PDE7B: variants seen among roughly 807,000 people sequenced by gnomAD.
The protein encoded by PDE7B is phosphodiesterase 7B, also known as 3',5'-cyclic-AMP phosphodiesterase 7B.
A neutral mutation model predicts 56.2 loss-of-function variants in PDE7B; 29 were observed. That is an observed-to-expected ratio of 0.52 (90% confidence interval 0.38 to 0.70). PDE7B has a LOEUF of 0.70. PDE7B is among the 30% of genes least tolerant of loss of function. The pLI is 0.00. For missense variants in PDE7B, 490 were observed against 565.0 expected, an observed-to-expected ratio of 0.87 and a Z score of 1.35; for synonymous variants, 197 against 196.9, an observed-to-expected ratio of 1.00 and a Z score of 0.00.
intron 2 of PDE7B, among the ~76,000 whole-genome samples, chr6:136,052,617 G>GACCCCCCCCC (rs1776650085): frequency 7.0e-6 from 1 of 142,792 alleles, no homozygotes; most frequent in South Asian, 2.3e-4. Context: ...TTAGGGTACA[G>GACCCCCCCCC]CCCCCCCCCA....
At chr6:136,134,667 T>TTCAA (rs1307657827) in intron 3 of PDE7B, among the ~76,000 whole-genome samples, 16 of 139,316 alleles carry the variant, frequency 1.1e-4, no homozygotes, top group African/African-American at 5.2e-4. Flanking sequence ...ACAATAGTTT[T>TTCAA]CCAACCAACC....
intron 2 of PDE7B, among the ~76,000 whole-genome samples, chr6:136,035,763 G>A (rs1776316466): frequency 6.6e-6 from 1 of 152,096 alleles, no homozygotes; most frequent in Non-Finnish European, 1.5e-5. Context: ...TTTTTACAAG[G>A]AACTAGATAA....
chr6:136,003,310 A>G (rs1312931692), intron 2 of PDE7B, among the ~76,000 whole-genome samples: 1 of 150,992 alleles, frequency 6.6e-6, no homozygotes, highest in Non-Finnish European at 1.5e-5. Context: ...GCAAGAGCAA[A>G]CACATTCAAA....
chr6:136,158,352 A>G (rs540567286), intron 8 of PDE7B, among the ~76,000 whole-genome samples: 2 of 152,318 alleles, frequency 1.3e-5, no homozygotes, highest in African/African-American at 4.8e-5. Flanking sequence ...AAAAAAATAT[A>G]TGTACATATA....
intron 3 of PDE7B, among the ~76,000 whole-genome samples, chr6:136,121,005 C>G (rs1174342468): frequency 1.3e-5 from 2 of 152,158 alleles, no homozygotes; most frequent in Admixed American, 1.3e-4. Flanking sequence ...TCTGACTCCC[C>G]TCTCCTTCCT....
intron 8 of PDE7B, among the ~76,000 whole-genome samples, chr6:136,159,073 C>T (rs1322928073): frequency 4.6e-5 from 7 of 152,096 alleles, no homozygotes; most frequent in South Asian, 4.1e-4. Flanking sequence ...ACATTTATTA[C>T]ACTCTATAAT....
At chr6:136,006,113 C>A (rs9689289) in intron 2 of PDE7B, among the ~76,000 whole-genome samples, 19,520 of 147,660 alleles carry the variant, frequency 0.13, 2,702 homozygotes, top group African/African-American at 0.36. Context: ...GGACAAAAAA[C>A]CAAACACTGC....
chr6:135,880,608 G>A (rs1445453960), intron 1 of PDE7B, among the ~76,000 whole-genome samples: 2 of 152,154 alleles, frequency 1.3e-5, no homozygotes, highest in Non-Finnish European at 2.9e-5. Context: ...TGAATATAAA[G>A]AAGTAAATTT....
In PDE7B at chr6:136,151,948, A is replaced by G. The variant is rs367975966; in HGVS notation, c.478+693A>G. ...GTGCAAGACTCTGTCTTAAAAATAA[A>G]TAAATAAATAAATAAATGACAGGGA... On this transcript the variant is annotated intron_variant, in intron 6 of 12. Coordinates refer to ENST00000308191, the MANE Select transcript of PDE7B (RefSeq NM_018945.4). Among the ~76,000 whole-genome samples the G allele has an allele frequency of 1.2e-4, 18 of 152,254 alleles. No individual in the cohort carries two copies. In the South Asian group the frequency reaches 3.5e-3, roughly 30 times the overall value.
At chr6:135,884,472 C>T (rs977423887) in intron 1 of PDE7B, among the ~76,000 whole-genome samples, 7 of 152,164 alleles carry the variant, frequency 4.6e-5, no homozygotes, top group African/African-American at 1.2e-4. Context: ...TTTCCTGATT[C>T]GATATCACAG....
At chr6:135,993,491 G>A (rs552927867) in intron 2 of PDE7B, among the ~76,000 whole-genome samples, 70 of 152,114 alleles carry the variant, frequency 4.6e-4, no homozygotes, top group Non-Finnish European at 7.5e-4. Flanking sequence ...AGGGTTGAGC[G>A]CCCCTGATAC....
At chr6:135,884,746 C>T (rs909550367) in intron 1 of PDE7B, among the ~76,000 whole-genome samples, 9 of 152,228 alleles carry the variant, frequency 5.9e-5, no homozygotes, top group African/African-American at 2.2e-4. Context: ...TCATGTGTAT[C>T]TTTCTTCTTG....
chr6:135,983,596 G>A (rs1475989544), intron 2 of PDE7B, among the ~76,000 whole-genome samples: 2 of 152,090 alleles, frequency 1.3e-5, no homozygotes, highest in South Asian at 4.1e-4. Flanking sequence ...AAATAAGTTG[G>A]TTATAGCACT....
At chr6:136,083,312 A>T (rs1777235494) in intron 2 of PDE7B, among the ~76,000 whole-genome samples, 1 of 152,226 alleles carries the variant, frequency 6.6e-6, no homozygotes, top group South Asian at 2.1e-4. Flanking sequence ...GTTAAAATAT[A>T]GGTGGTATTC....
intron 2 of PDE7B, among the ~76,000 whole-genome samples, chr6:136,017,076 C>T (rs1259609223): frequency 1.3e-5 from 2 of 152,136 alleles, no homozygotes; most frequent in African/African-American, 2.4e-5. Context: ...AGCCATTTAG[C>T]ATAGCAGCAA....
At chr6:135,906,829 T>TTTTTGTTTTTTTTTTTTTTTG (rs1776123197) in intron 1 of PDE7B, among the ~76,000 whole-genome samples, 14 of 142,690 alleles carry the variant, frequency 9.8e-5, no homozygotes, top group African/African-American at 3.7e-4. Context: ...TTTTTTTTTT[T>TTTTTGTTTTTTTTTTTTTTTG]TTTTTTTAAT....
At chr6:135,857,051 TC>T (rs1775047459) in intron 1 of PDE7B, among the ~76,000 whole-genome samples, 6 of 112,292 alleles carry the variant, frequency 5.3e-5, no homozygotes, top group African/African-American at 2.3e-4. Context: ...CCTCCCTCCC[TC>T]CCTTCCTTCC....
In PDE7B at chr6:136,193,703, T is replaced by C. The variant is rs1343695348; in HGVS notation, c.*1863T>C. 1 of 152,246 alleles carries C rather than the reference T, an allele frequency of 6.6e-6. No homozygotes were observed. The highest frequency in any genetic ancestry group is 1.5e-5 in the Non-Finnish European group (1 of 68,054). The allele number at this position is 152,246 out of a possible 1,614,324, so 9.4% of individuals were successfully genotyped here. On this transcript the variant is annotated 3_prime_UTR_variant, in exon 13 of 13. Transcript: ENST00000308191. The stretch of plus-strand genomic sequence containing the variant: ...TGCTGATAGAATGACAGCTAGCACT[T>C]ATTTCCTAAGTGCAACTGTTTTAGA...
At chr6:135,978,786 A>G (rs930635158) in intron 2 of PDE7B, among the ~76,000 whole-genome samples, 2 of 152,040 alleles carry the variant, frequency 1.3e-5, no homozygotes, top group Non-Finnish European at 2.9e-5. Flanking sequence ...GGCTGAGACA[A>G]TGGGGTTTTC....
Sources: gnomAD v4.1 joint callset for allele counts (sites outside exome capture counted in the v4.1 genomes callset) on GRCh38, gnomAD v4.1.1 for gene constraint, MANE v1.5 for transcripts, NCBI Gene and HGNC (gene_info 2026-07-23, HGNC 2026-07-21) for gene names.